The following RANBP17 variants were observed in gnomAD, a reference collection of about 807,000 sequenced individuals.
RANBP17 encodes the protein RAN binding protein 17.
In RANBP17, 158 loss-of-function variants were observed where a neutral mutation model predicts 141.2. That is an observed-to-expected ratio of 1.12 (90% CI 0.98 to 1.28). RANBP17 has a LOEUF of 1.28. Ranked by LOEUF, RANBP17 falls within the 50% of genes most tolerant of loss-of-function variation. The probability of loss-of-function intolerance (pLI) is 0.00; values close to 1 mark genes in which losing one functional copy is unlikely to be tolerated. For synonymous variants in RANBP17, 430 were observed against 450.0 expected (o/e 0.96, Z 0.56); for missense variants, 1,438 against 1,290.7 (o/e 1.11, Z -1.75).
intron 22 of RANBP17, among the ~76,000 whole-genome samples, chr5:171,238,500 C>CT (rs952633817): frequency 2.4e-4 from 36 of 152,224 alleles, no homozygotes; most frequent in Admixed American, 1.2e-3. Context: ...TCCTTTCCCT[C>CT]TAAGGATATC....
At chr5:171,177,030 G>A (rs1369816491) in intron 16 of RANBP17, among the ~76,000 whole-genome samples, 2 of 152,112 alleles carry the variant, frequency 1.3e-5, no homozygotes, top group Admixed American at 1.3e-4. Flanking sequence ...AAAATGCATT[G>A]CTTTATTTTA....
At chr5:170,997,512 AC>A (rs889302737) in intron 14 of RANBP17, among the ~76,000 whole-genome samples, 1 of 152,204 alleles carries the variant, frequency 6.6e-6, no homozygotes, top group Non-Finnish European at 1.5e-5. Context: ...TAGTAAATGT[AC>A]TACCAAGGTT....
At chr5:170,916,802 A>G (rs1013058511) in intron 9 of RANBP17, among the ~76,000 whole-genome samples, 2 of 148,384 alleles carry the variant, frequency 1.3e-5, no homozygotes, top group Admixed American at 6.8e-5. Context: ...TGCAACCTCT[A>G]CCTCCCGGGT....
intron 12 of RANBP17, among the ~76,000 whole-genome samples, chr5:170,931,678 T>G (rs1027090179): frequency 7.2e-5 from 11 of 152,166 alleles, no homozygotes; most frequent in South Asian, 4.1e-4. Context: ...TTTCCCCATT[T>G]CTTGTTTTTG....
chr5:171,229,534 A>G (rs1764081113), intron 22 of RANBP17, among the ~76,000 whole-genome samples: 2 of 151,778 alleles, frequency 1.3e-5, no homozygotes, highest in Non-Finnish European at 2.9e-5. Flanking sequence ...AACTGGGATT[A>G]TAGGTGCCCG....
intron 14 of RANBP17, among the ~76,000 whole-genome samples, chr5:171,147,339 T>TTGTGTG (rs59202388): frequency 0.15 from 15,239 of 104,706 alleles, 1,131 homozygotes; most frequent in East Asian, 0.17. Context: ...CTTGGTTGTT[T>TTGTGTG]TGTGTGTGTG....
intron 14 of RANBP17, among the ~76,000 whole-genome samples, chr5:171,156,188 T>C (rs1040810583): frequency 7.9e-5 from 12 of 152,106 alleles, no homozygotes; most frequent in Admixed American, 3.9e-4. Flanking sequence ...CTATATTATA[T>C]TCATTAAGAA....
chr5:170,972,455 A>G (rs1476426754), intron 14 of RANBP17, among the ~76,000 whole-genome samples: 3 of 152,100 alleles, frequency 2.0e-5, no homozygotes, highest in East Asian at 1.9e-4. Context: ...GAGTGTTGCA[A>G]TTACAGGCGT....
intron 13 of RANBP17, among the ~76,000 whole-genome samples, chr5:170,955,648 G>GTATATATATATA (rs1159344330): frequency 3.7e-4 from 8 of 21,760 alleles, no homozygotes; most frequent in South Asian, 3.8e-3. Flanking sequence ...TATGCTCAGT[G>GTATATATATATA]TATATATATA....
At chr5:171,236,168 C>T (rs1158272184) in intron 22 of RANBP17, among the ~76,000 whole-genome samples, 3 of 152,160 alleles carry the variant, frequency 2.0e-5, no homozygotes, top group Non-Finnish European at 4.4e-5. Context: ...TTGCAGTTCT[C>T]TTCGCATAAC....
intron 3 of RANBP17, among the ~76,000 whole-genome samples, chr5:170,889,501 G>A (rs938690071): frequency 6.6e-6 from 1 of 152,064 alleles, no homozygotes; most frequent in African/African-American, 2.4e-5. Flanking sequence ...CTGATTCAGA[G>A]TCCCAGTCAT....
At chr5:171,243,195 C>T (rs1157290701) in intron 24 of RANBP17, 1 of 172,356 alleles carries the variant, frequency 5.8e-6, no homozygotes, top group African/African-American at 2.4e-5. Flanking sequence ...ATCCCTTCCC[C>T]CTACCTCTCA....
rs1390261115 is a variant in RANBP17 at position 171,272,035 on chromosome 5, C to G, written c.2943+6188C>G. The stretch of plus-strand genomic sequence containing the variant: ...CCATCAAAAAGAAAGAGATCATGTC[C>G]TTTGCAGCAACATGGATGGAGCTGG... On this transcript the variant is annotated intron_variant, in intron 25 of 27. Transcript: ENST00000523189. Among the ~76,000 whole-genome samples the G allele has an allele frequency of 3.3e-5, 5 of 152,284 alleles. No homozygotes were observed. In the East Asian group the frequency reaches 9.7e-4, roughly 29 times the overall value.
At chr5:171,043,615 A>G (rs191397808) in intron 14 of RANBP17, among the ~76,000 whole-genome samples, 1 of 152,350 alleles carries the variant, frequency 6.6e-6, no homozygotes, top group African/African-American at 2.4e-5. Flanking sequence ...AGTTATTATT[A>G]GTGAACATGT....
At chr5:171,154,913 T>C (rs1284167976) in intron 14 of RANBP17, among the ~76,000 whole-genome samples, 1 of 151,340 alleles carries the variant, frequency 6.6e-6, no homozygotes, top group Non-Finnish European at 1.5e-5. Flanking sequence ...CTGTCTCTAC[T>C]AAAAATACGA....
At chr5:170,998,607 G>C (rs1281088946) in intron 14 of RANBP17, among the ~76,000 whole-genome samples, 1 of 152,086 alleles carries the variant, frequency 6.6e-6, no homozygotes, top group Admixed American at 6.6e-5. Context: ...GTTGAAGTTT[G>C]TTAGGCATTT....
chr5:171,066,556 T>C (rs2127684936), intron 14 of RANBP17, among the ~76,000 whole-genome samples: 1 of 152,362 alleles, frequency 6.6e-6, no homozygotes, highest in East Asian at 1.9e-4. Flanking sequence ...ACATTTTCTT[T>C]ATCCATTCAT....
intron 14 of RANBP17, among the ~76,000 whole-genome samples, chr5:171,069,459 GCT>G (rs1302229965): frequency 2.6e-5 from 4 of 152,318 alleles, no homozygotes; most frequent in African/African-American, 9.6e-5. Flanking sequence ...GTTCTTGCTA[GCT>G]CAATGGTTTC....
rs569361095 is a variant in RANBP17 at position 171,123,071 on chromosome 5, C to T, written c.1711-47059C>T. Among the ~76,000 whole-genome samples the T allele has an allele frequency of 2.6e-5, 4 of 152,310 alleles. No individual in the cohort carries two copies. The South Asian group carries it at 6.2e-4, about 24-fold the overall frequency. ...CAAAGGGAGCCAAAGCATGCACTCC[C>T]CAGAGCCTGAGAACTGCCTCCCTGG... On this transcript the variant is annotated intron_variant, in intron 14 of 27. Coordinates refer to ENST00000523189, the MANE Select transcript of RANBP17 (RefSeq NM_022897.5).
Sources: allele counts gnomAD v4.1 joint callset (sites outside exome capture counted in the v4.1 genomes callset), GRCh38; gene constraint gnomAD v4.1.1; transcripts MANE v1.5; gene names NCBI Gene and HGNC (gene_info 2026-07-23, HGNC 2026-07-21).